ATXN10: variants seen among roughly 807,000 people sequenced by gnomAD.
ATXN10 encodes ataxin-10.
A neutral mutation model predicts 52.9 loss-of-function variants in ATXN10; 28 were observed. The observed-to-expected ratio is 0.53, with a 90% CI of 0.39 to 0.73. ATXN10 has a LOEUF of 0.73. Ranked by LOEUF, ATXN10 falls within the 30% of genes least tolerant of loss-of-function variation. ATXN10 has a pLI of 0.00. For synonymous variants in ATXN10, 226 were observed against 221.5 expected, an observed-to-expected ratio of 1.02 and a Z score of -0.18; for missense variants, 565 against 577.0, an observed-to-expected ratio of 0.98 and a Z score of 0.21.
chr22:45,752,641 C>CA (rs1293940249), intron 9 of ATXN10, among the ~76,000 whole-genome samples: 2 of 151,908 alleles, frequency 1.3e-5, no homozygotes, highest in Non-Finnish European at 2.9e-5. Flanking sequence ...GCTCTGCACT[C>CA]ACTGTGGGAA....
At chr22:45,815,158 A>C (rs1928416872) in intron 10 of ATXN10, among the ~76,000 whole-genome samples, 1 of 152,214 alleles carries the variant, frequency 6.6e-6, no homozygotes, top group Non-Finnish European at 1.5e-5. Flanking sequence ...TACGGCAGTA[A>C]AGAGGAGTGA....
chr22:45,760,009 TAAGA>T (rs1926324375), intron 9 of ATXN10, among the ~76,000 whole-genome samples: 1 of 152,186 alleles, frequency 6.6e-6, no homozygotes, highest in Admixed American at 6.5e-5. Context: ...ATGATGGCCC[TAAGA>T]AAGGAAGGAG....
At position 45,696,018 on chromosome 22, in the gene ATXN10, A is replaced by G. The variant is rs982613840; in HGVS notation, c.391+2940A>G. 6.6e-6 allele frequency among the ~76,000 whole-genome samples: 1 copy of G among 152,228 alleles called. No individual in the cohort carries two copies. The highest frequency in any genetic ancestry group is 2.4e-5 in the African/African-American group (1 of 41,442). On this transcript the variant is annotated intron_variant, in intron 3 of 11. Coordinates refer to ENST00000252934, the MANE Select transcript of ATXN10 (RefSeq NM_013236.4). The surrounding 1 kb of genome is among the most constrained non-coding windows in gnomAD (Gnocchi z 4.7). ...TGATTTTGAAGTATTCCTTTAGGAA[A>G]TGGTAATTAAAAATTAATTACTTCC...
In ATXN10 at chr22:45,843,273, A is replaced by T; in HGVS notation, c.1425+95A>T. 3 of 1,348,782 alleles carry T rather than the reference A, an allele frequency of 2.2e-6. No individual in the cohort carries two copies. The South Asian group carries it at 3.6e-5, about 16-fold the overall frequency. The allele number at this position is 1,348,782 out of a possible 1,614,324, so 83.6% of individuals were successfully genotyped here. A position where few individuals can be genotyped will look rare whatever the true frequency, so the allele number is the denominator to read the frequency against. On this transcript the variant is annotated intron_variant, in intron 11 of 11. Coordinates refer to ENST00000252934, the MANE Select transcript of ATXN10 (RefSeq NM_013236.4). The surrounding 1 kb of genome is among the most constrained non-coding windows in gnomAD (Gnocchi z 4.5). ...CAAGCACGAGGCTCTTTGTAAGAAT[A>T]TGGATGGGAGAATTGTGCCCTCTAT...
rs758156779 is a variant in ATXN10, at chr22:45,807,002, A to G, written c.1217A>G (p.Asn406Ser). The change falls in exon 10 of 12, where the codon AAC (asparagine) becomes AGC (serine). Residue 406 changes from asparagine (N) to serine (S), a missense_variant. Asn to Ser is a conservative substitution (Grantham distance 46). Transcript: ENST00000252934. ...ATCCCGTTGATCCTGGACAACTGCA[A>G]CATCAGTGACAGTAACCCCTGTATC... ...DGIPLILDNC[N>S]ISDSNPFLTQ... 9 of 1,614,052 alleles carry G rather than the reference A, an allele frequency of 5.6e-6. No homozygotes were observed. Among genetic ancestry groups the G allele is most frequent in the African/African-American group, 5.3e-5 (4 of 75,054 alleles).
chr22:45,720,540 G>A (rs1486551513), intron 6 of ATXN10, among the ~76,000 whole-genome samples: 1 of 152,136 alleles, frequency 6.6e-6, no homozygotes, highest in Non-Finnish European at 1.5e-5. Context: ...TTCAGGGGGT[G>A]TGAAGGATGT....
In ATXN10 at chr22:45,770,150, CACATGAGG is replaced by C. The variant is rs1926726301; in HGVS notation, c.1173+29622_1173+29629del. 6.6e-6 allele frequency among the ~76,000 whole-genome samples: 1 copy of C among 152,184 alleles called. No homozygotes were observed. The highest frequency in any genetic ancestry group is 2.4e-5 in the African/African-American group (1 of 41,434). On this transcript the variant is annotated intron_variant, in intron 9 of 11. Coordinates refer to ENST00000252934, the MANE Select transcript of ATXN10 (RefSeq NM_013236.4). This position sits in a 1 kb window ranked among gnomAD's most constrained non-coding sequence, Gnocchi z 4.5. ...TAGGAGAGGTGTTACTCCTGTCTTA[CACATGAGG>C]ACATGAGGAACCAAAGTCAAAAGTA...
At chr22:45,752,242 A>G (rs1926003698) in intron 9 of ATXN10, among the ~76,000 whole-genome samples, 1 of 152,190 alleles carries the variant, frequency 6.6e-6, no homozygotes, top group Admixed American at 6.5e-5. Context: ...GGGAATGCAG[A>G]AATGGATTTG....
intron 9 of ATXN10, among the ~76,000 whole-genome samples, chr22:45,747,846 C>T (rs960975498): frequency 2.6e-5 from 4 of 151,274 alleles, no homozygotes; most frequent in Non-Finnish European, 5.9e-5. Context: ...TTTCGGAAGC[C>T]GAGGCAGGAG....
At position 45,708,387 on chromosome 22, in the gene ATXN10, T is replaced by C. The variant is rs917096349; in HGVS notation, c.647+5540T>C. ...TTGCTTTGTCTGTGTAATCTCATTTTCACATTGCTGCCATCCTGTGAATTG... is the reference window on the plus strand; with the variant it reads ...TTGCTTTGTCTGTGTAATCTCATTTCCACATTGCTGCCATCCTGTGAATTG... On this transcript the variant is annotated intron_variant, in intron 5 of 11. Transcript: ENST00000252934. This position sits in a 1 kb window ranked among gnomAD's most constrained non-coding sequence, Gnocchi z 5.3. 1.7e-4 allele frequency among the ~76,000 whole-genome samples: 26 copies of C among 152,194 alleles called. No individual in the cohort carries two copies. Among genetic ancestry groups the C allele is most frequent in the African/African-American group, 6.0e-4 (25 of 41,446 alleles).
At chr22:45,693,867 C>T (rs976145577) in intron 3 of ATXN10, among the ~76,000 whole-genome samples, 1 of 152,148 alleles carries the variant, frequency 6.6e-6, no homozygotes, top group African/African-American at 2.4e-5. Flanking sequence ...AAGAAATCAG[C>T]CCTCTCGACA....
At position 45,765,379 on chromosome 22, in the gene ATXN10, G is replaced by A. The variant is rs374211670; in HGVS notation, c.1173+24841G>A. 7.2e-5 allele frequency among the ~76,000 whole-genome samples: 11 copies of A among 152,270 alleles called. No individual in the cohort carries two copies. The South Asian group carries it at 1.9e-3, about 26-fold the overall frequency. On this transcript the variant is annotated intron_variant, in intron 9 of 11. Coordinates refer to ENST00000252934, the MANE Select transcript of ATXN10 (RefSeq NM_013236.4). ...TTTGTAGTAAAGCGAAACTTTGCCA[G>A]TCATTAGAAATTAGTTTAGAGGCAT...
chr22:45,699,234 G>C (rs956207620), intron 3 of ATXN10, among the ~76,000 whole-genome samples: 2 of 152,096 alleles, frequency 1.3e-5, no homozygotes, highest in African/African-American at 4.8e-5. Context: ...TTGATAAGCT[G>C]TTTGGTAAAG....
At chr22:45,811,214 T>A (rs1009477228) in intron 10 of ATXN10, among the ~76,000 whole-genome samples, 29 of 152,172 alleles carry the variant, frequency 1.9e-4, no homozygotes, top group Non-Finnish European at 5.9e-5. Context: ...GTATGATAGG[T>A]CCTGAGAAAT....
Position 45,747,810 on chromosome 22 carries a change from G to A in ATXN10, c.1173+7272G>A, listed in dbSNP as rs145645339. 6.6e-3 allele frequency among the ~76,000 whole-genome samples: 999 copies of A among 152,086 alleles called. 5 individuals carry two copies. The highest frequency in any genetic ancestry group is 0.02 in the Middle Eastern group (6 of 294). On this transcript the variant is annotated intron_variant, in intron 9 of 11. Transcript: ENST00000252934. ...GATTAAATGTGATCATGTATAGGAAGTATCTCATGTCTGTAATCCTAGTAC... is the reference window on the plus strand; with the variant it reads ...GATTAAATGTGATCATGTATAGGAAATATCTCATGTCTGTAATCCTAGTAC...
intron 9 of ATXN10, among the ~76,000 whole-genome samples, chr22:45,798,485 G>C (rs998463158): frequency 6.6e-6 from 1 of 152,054 alleles, no homozygotes; most frequent in East Asian, 1.9e-4. Flanking sequence ...ACTCATTCAC[G>C]TCAAAATTTG....
intron 9 of ATXN10, among the ~76,000 whole-genome samples, chr22:45,751,738 TG>T (rs373480625): frequency 0.8 from 98,866 of 124,304 alleles, 37,952 homozygotes; most frequent in African/African-American, 0.88. Context: ...TACCTTTTTC[TG>T]GAAAAAAAAA....
chr22:45,728,700 C>T lies in ATXN10; in HGVS notation c.729-725C>T, dbSNP rs1275115482. ...ATTGATTTATGCTAGACAGATTGAC[C>T]TATGTGTGATTCATTTTTCCTAGGA... On this transcript the variant is annotated intron_variant, in intron 6 of 11. Transcript: ENST00000252934. This position sits in a 1 kb window ranked among gnomAD's most constrained non-coding sequence, Gnocchi z 4.3. 2.0e-5 allele frequency among the ~76,000 whole-genome samples: 3 copies of T among 152,042 alleles called. No homozygotes were observed. Among genetic ancestry groups the T allele is most frequent in the Non-Finnish European group, 4.4e-5 (3 of 68,006 alleles).
rs1925626332 is a variant in ATXN10 at position 45,743,749 on chromosome 22, T to C, written c.1173+3211T>C. ...TACTATGTCCTTGCATTGTGCTTAGTGAATTACATATATTATCAACTTTAA... is the reference window on the plus strand; with the variant it reads ...TACTATGTCCTTGCATTGTGCTTAGCGAATTACATATATTATCAACTTTAA... On this transcript the variant is annotated intron_variant, in intron 9 of 11. Coordinates refer to ENST00000252934, the MANE Select transcript of ATXN10 (RefSeq NM_013236.4). 1.3e-5 allele frequency among the ~76,000 whole-genome samples: 2 copies of C among 152,230 alleles called. 1 individual carries two copies. The highest frequency in any genetic ancestry group is 4.1e-4 in the South Asian group (2 of 4,834).
Sources: allele counts gnomAD v4.1 joint callset (sites outside exome capture counted in the v4.1 genomes callset), GRCh38; gene constraint gnomAD v4.1.1; non-coding constraint Gnocchi (gnomAD v3.1); transcripts MANE v1.5; gene names NCBI Gene and HGNC (gene_info 2026-07-23, HGNC 2026-07-21).